The following TSC22D1 variants were observed in gnomAD, a reference collection of about 807,000 sequenced individuals.
The protein encoded by TSC22D1 is TSC22 domain family member 1.
Under a neutral mutation model 74.2 loss-of-function variants are expected in TSC22D1, and 9 were observed. The ratio of observed to expected loss-of-function variants is 0.12; its 90% CI spans 0.07 to 0.21. TSC22D1 has a LOEUF of 0.21. Ranked by LOEUF, TSC22D1 falls within the 10% of genes least tolerant of loss-of-function variation. The probability of loss-of-function intolerance (pLI) is 1.00; values close to 1 mark genes in which losing one functional copy is unlikely to be tolerated. For missense variants in TSC22D1, 1,427 were observed against 1,304.7 expected (o/e 1.09, Z -1.44); for synonymous variants, 586 against 492.5 (o/e 1.19, Z -2.51).
At chr13:44,555,317 G>A (rs1386892059) in intron 1 of TSC22D1, among the ~76,000 whole-genome samples, 2 of 151,604 alleles carry the variant, frequency 1.3e-5, no homozygotes, top group East Asian at 3.9e-4. Context: ...AGACTAATAA[G>A]AAATACGTAG....
intron 1 of TSC22D1, among the ~76,000 whole-genome samples, chr13:44,461,637 G>A (rs1010429131): frequency 5.3e-5 from 8 of 152,166 alleles, no homozygotes; most frequent in African/African-American, 1.7e-4. Flanking sequence ...TCAAAGCATC[G>A]TTATGGAAGG....
chr13:44,562,730 G>A (rs889214307), intron 1 of TSC22D1, among the ~76,000 whole-genome samples: 2 of 152,082 alleles, frequency 1.3e-5, no homozygotes, highest in African/African-American at 2.4e-5. Flanking sequence ...ATATTAGTTC[G>A]CATTTACCTG....
Position 44,504,668 on chromosome 13 carries a change from C to T in TSC22D1, c.2912+68495G>A, listed in dbSNP as rs1879367277. Among the ~76,000 whole-genome samples, 2 of 151,788 alleles carry T rather than the reference C, an allele frequency of 1.3e-5. 1 individual carries two copies. Among genetic ancestry groups the T allele is most frequent in the African/African-American group, 4.8e-5 (2 of 41,312 alleles). On this transcript the variant is annotated intron_variant, in intron 1 of 2. Transcript: ENST00000458659. ...AAGTAATTTGAATGAAATGTCTGCC[C>T]CAATGATAATGTTTTTCATTTCTTG...
In TSC22D1 at chr13:44,575,664, G is replaced by A. The variant is rs1025763568; in HGVS notation, c.411C>T (p.Ser137=). Residue 137 remains serine (S), a synonymous_variant, in exon 1 of 3, where the codon AGC becomes AGT. Coordinates refer to ENST00000458659, the MANE Select transcript of TSC22D1 (RefSeq NM_183422.4). ...SNNSIAEDTE[S]YDDLDESHTE... ...TGTGAGATTCATCCAGATCATCATA[G>A]CTCTCAGTGTCCTCTGCTATACTGT... 3.1e-6 allele frequency: 5 copies of A among 1,614,096 alleles called. No individual in the cohort carries two copies. The African/African-American group carries it at 4.0e-5, about 13-fold the overall frequency.
intron 1 of TSC22D1, among the ~76,000 whole-genome samples, chr13:44,517,356 ACAC>A (rs1880044049): frequency 6.6e-6 from 1 of 151,944 alleles, no homozygotes. Flanking sequence ...ACACACACAC[ACAC>A]AAATGTACTC....
chr13:44,504,572 C>G (rs1879359442), intron 1 of TSC22D1, among the ~76,000 whole-genome samples: 2 of 148,860 alleles, frequency 1.3e-5, no homozygotes, highest in Admixed American at 6.7e-5. Flanking sequence ...CCACTGCACT[C>G]CAGCCTGGGT....
intron 1 of TSC22D1, among the ~76,000 whole-genome samples, chr13:44,540,479 G>A (rs1361753229): frequency 6.6e-6 from 1 of 152,086 alleles, no homozygotes; most frequent in East Asian, 1.9e-4. Context: ...ACAAAGCTAA[G>A]CCTATATTTT....
At chr13:44,441,331 A>G (rs1265065643) in intron 1 of TSC22D1, among the ~76,000 whole-genome samples, 2 of 152,258 alleles carry the variant, frequency 1.3e-5, no homozygotes, top group African/African-American at 2.4e-5. Flanking sequence ...TGATAGGTGT[A>G]TGATAGATCT....
intron 1 of TSC22D1, chr13:44,536,776 C>T: frequency 1.0e-6 from 1 of 984,310 alleles, no homozygotes; most frequent in Non-Finnish European, 1.2e-6. Context: ...ACAAAAATTG[C>T]ATCTAAAAAA....
chr13:44,437,097 C>CA, intron 1 of TSC22D1: 1 of 981,508 alleles, frequency 1.0e-6, no homozygotes, highest in Non-Finnish European at 1.2e-6. Context: ...ACGGCGGCCT[C>CA]AAAACACTGG....
intron 1 of TSC22D1, among the ~76,000 whole-genome samples, chr13:44,453,019 A>T (rs1876275595): frequency 6.6e-6 from 1 of 152,210 alleles, no homozygotes; most frequent in Non-Finnish European, 1.5e-5. Context: ...AGTCTCACAG[A>T]TTGAAAAAAG....
intron 1 of TSC22D1, among the ~76,000 whole-genome samples, chr13:44,565,965 C>T (rs1252214822): frequency 6.6e-6 from 1 of 152,058 alleles, no homozygotes; most frequent in Non-Finnish European, 1.5e-5. Context: ...ACATAAGTTT[C>T]AAAAGAAAAA....
At chr13:44,538,621 A>G in intron 1 of TSC22D1, 1 of 985,406 alleles carries the variant, frequency 1.0e-6, no homozygotes, top group South Asian at 4.7e-5. Context: ...ATGGCCATGT[A>G]AAATTCCAAT....
chr13:44,453,851 T>C (rs886450467), intron 1 of TSC22D1, among the ~76,000 whole-genome samples: 1 of 152,254 alleles, frequency 6.6e-6, no homozygotes, highest in African/African-American at 2.4e-5. Flanking sequence ...ATGCTCCTAA[T>C]TGAAGATGCT....
At chr13:44,519,171 C>T (rs546293944) in intron 1 of TSC22D1, among the ~76,000 whole-genome samples, 1 of 152,238 alleles carries the variant, frequency 6.6e-6, no homozygotes, top group East Asian at 1.9e-4. Context: ...TCAACAATAT[C>T]ATTGTGATCT....
upstream of TSC22D1, among the ~76,000 whole-genome samples, chr13:44,576,811 G>A (rs1884285463): frequency 6.6e-6 from 1 of 151,516 alleles, no homozygotes; most frequent in Non-Finnish European, 1.5e-5. Context: ...GAGACGCCGG[G>A]TCCTCGCGGA....
At position 44,576,302 on chromosome 13, in the gene TSC22D1, G is replaced by T. The variant is rs1007649472; in HGVS notation, c.-228C>A. On this transcript the variant is annotated 5_prime_UTR_variant, in exon 1 of 3. Transcript: ENST00000458659. ...AGGGCGGCCGGGGACCCGAAGGGGG[G>T]ATCCCTTCAGTCCTTCGCCATTCAC... is the stretch of plus-strand genomic sequence containing the variant. 4 of 580,068 alleles carry T rather than the reference G, an allele frequency of 6.9e-6. No homozygotes were observed. Among genetic ancestry groups the T allele is most frequent in the African/African-American group, 3.7e-5 (2 of 53,378 alleles). 35.9% of individuals were successfully genotyped at this position (580,068 alleles called of 1,614,324 possible).
At chr13:44,450,720 G>C (rs1194980436) in intron 1 of TSC22D1, among the ~76,000 whole-genome samples, 1 of 152,210 alleles carries the variant, frequency 6.6e-6, no homozygotes, top group Non-Finnish European at 1.5e-5. Flanking sequence ...AACTGGTTCT[G>C]GGGTATAACA....
At chr13:44,447,624 T>C (rs1291966260) in intron 1 of TSC22D1, among the ~76,000 whole-genome samples, 1 of 152,026 alleles carries the variant, frequency 6.6e-6, no homozygotes, top group Non-Finnish European at 1.5e-5. Flanking sequence ...TAATCTTTTA[T>C]TTATATACAC....
Sources: gnomAD v4.1 joint callset for allele counts (sites outside exome capture counted in the v4.1 genomes callset) on GRCh38, gnomAD v4.1.1 for gene constraint, MANE v1.5 for transcripts, NCBI Gene and HGNC (gene_info 2026-07-23, HGNC 2026-07-21) for gene names.